The following FAM107B variants were observed in gnomAD, a reference collection of about 807,000 sequenced individuals.
The protein encoded by FAM107B is family with sequence similarity 107 member B.
In FAM107B, 21 loss-of-function variants were observed where a neutral mutation model predicts 31.5. The observed-to-expected ratio is 0.67, with a 90% confidence interval of 0.47 to 0.96. The LOEUF (loss-of-function observed/expected upper bound fraction) is 0.96, where lower values mean the gene tolerates loss of function less well. Among genes scored for constraint, FAM107B ranks in the 40% least tolerant of loss-of-function variants. The pLI, the probability that FAM107B is intolerant of heterozygous loss-of-function variation, is 0.00. For synonymous variants in FAM107B, 157 were observed against 141.5 expected (o/e 1.11, Z -0.78); for missense variants, 452 against 377.1 (o/e 1.20, Z -1.64).
At chr10:14,720,354 A>G (rs553420086) in intron 1 of FAM107B, among the ~76,000 whole-genome samples, 2 of 152,184 alleles carry the variant, frequency 1.3e-5, no homozygotes, top group African/African-American at 2.4e-5. Context: ...CCCGTGTTCA[A>G]GTGATTCTCC....
intron 2 of FAM107B, among the ~76,000 whole-genome samples, chr10:14,567,747 C>T (rs2131229254): frequency 6.6e-6 from 1 of 152,324 alleles, no homozygotes; most frequent in Non-Finnish European, 1.5e-5. Context: ...ATCTGATGTT[C>T]TTATTGTAAT....
At chr10:14,578,337 T>A (rs139685477) in intron 2 of FAM107B, among the ~76,000 whole-genome samples, 5 of 152,252 alleles carry the variant, frequency 3.3e-5, no homozygotes, top group Admixed American at 1.3e-4. Flanking sequence ...GTCTCACTCA[T>A]CTGTCTTCAC....
chr10:14,716,355 C>G (rs977729088), intron 1 of FAM107B, among the ~76,000 whole-genome samples: 2 of 152,222 alleles, frequency 1.3e-5, no homozygotes, highest in Admixed American at 1.3e-4. Flanking sequence ...GACTCCCTCA[C>G]AGGGCAGCTG....
chr10:14,583,608 C>T (rs948057803), intron 2 of FAM107B, among the ~76,000 whole-genome samples: 3 of 152,074 alleles, frequency 2.0e-5, no homozygotes, highest in African/African-American at 4.8e-5. Flanking sequence ...ACACATCACC[C>T]CACCCCAGTC....
At chr10:14,553,291 T>C (rs1412740084) in intron 2 of FAM107B, 8 of 1,192,898 alleles carry the variant, frequency 6.7e-6, no homozygotes, top group Non-Finnish European at 7.5e-6. Context: ...GGAATAAAGA[T>C]GACCGAGACA....
At chr10:14,568,443 TCA>T (rs10618168) in intron 2 of FAM107B, among the ~76,000 whole-genome samples, 329 of 20,526 alleles carry the variant, frequency 0.016, 2 homozygotes, top group South Asian at 0.03. Flanking sequence ...GTGAAGATAC[TCA>T]GGTAAGAGGA....
intron 2 of FAM107B, among the ~76,000 whole-genome samples, chr10:14,560,539 A>G (rs1256712538): frequency 4.6e-5 from 7 of 152,206 alleles, no homozygotes; most frequent in African/African-American, 1.7e-4. Context: ...AGGAGGACTC[A>G]CTAGGTAAGC....
intron 1 of FAM107B, among the ~76,000 whole-genome samples, chr10:14,678,429 T>A (rs186544190): frequency 6.6e-6 from 1 of 152,310 alleles, no homozygotes; most frequent in East Asian, 1.9e-4. Context: ...TCACTTTAAG[T>A]CACTACACAT....
intron 1 of FAM107B, among the ~76,000 whole-genome samples, chr10:14,722,894 C>G (rs753181575): frequency 1.3e-5 from 2 of 152,008 alleles, no homozygotes; most frequent in African/African-American, 2.4e-5. Context: ...TTGCCTAATC[C>G]AAGGTCATGA....
At chr10:14,593,201 CTTTT>C (rs1852075651) in intron 2 of FAM107B, among the ~76,000 whole-genome samples, 1 of 151,910 alleles carries the variant, frequency 6.6e-6, no homozygotes, top group African/African-American at 2.4e-5. Context: ...ACATAAAAAG[CTTTT>C]TTGTTTGCTA....
chr10:14,549,612 G>A (rs2131052708), intron 2 of FAM107B, among the ~76,000 whole-genome samples: 1 of 152,282 alleles, frequency 6.6e-6, no homozygotes, highest in Non-Finnish European at 1.5e-5. Flanking sequence ...CTGGAGGCTT[G>A]TGGTTCCAGG....
At chr10:14,557,704 T>C (rs1849822001) in intron 2 of FAM107B, among the ~76,000 whole-genome samples, 1 of 152,236 alleles carries the variant, frequency 6.6e-6, no homozygotes, top group Admixed American at 6.5e-5. Flanking sequence ...TCATATTTCA[T>C]CTCAACCTTC....
At chr10:14,767,055 T>TATATATATATATATATATATAG (rs1440609298) in intron 1 of FAM107B, among the ~76,000 whole-genome samples, 4 of 18,280 alleles carry the variant, frequency 2.2e-4, no homozygotes, top group Non-Finnish European at 4.5e-4. Context: ...TATATATATA[T>TATATATATATATATATATATAG]AGAGAGAGAG....
intron 1 of FAM107B, among the ~76,000 whole-genome samples, chr10:14,741,168 C>G (rs554360569): frequency 6.6e-6 from 1 of 152,196 alleles, no homozygotes; most frequent in Admixed American, 6.5e-5. Flanking sequence ...GGTTTGGGGG[C>G]AGGAACCTGG....
At chr10:14,732,823 ATAT>A (rs1379440992) in intron 1 of FAM107B, among the ~76,000 whole-genome samples, 4 of 147,286 alleles carry the variant, frequency 2.7e-5, no homozygotes, top group East Asian at 1.9e-4. Context: ...ATGTATTATA[ATAT>A]TATAATTATA....
chr10:14,568,496 T>C (rs1850886384), intron 2 of FAM107B, among the ~76,000 whole-genome samples: 1 of 140,852 alleles, frequency 7.1e-6, no homozygotes. Context: ...GAGGTGAAGA[T>C]ACTCAGGTAA....
chr10:14,770,975 TAAAAAAAAAAAAAA>T (rs56378196), intron 1 of FAM107B, among the ~76,000 whole-genome samples: 1 of 58,922 alleles, frequency 1.7e-5, no homozygotes, highest in Non-Finnish European at 3.6e-5. Context: ...GAGGCTGAAC[TAAAAAAAAAAAAAA>T]AAAAAAAAAA....
intron 1 of FAM107B, among the ~76,000 whole-genome samples, chr10:14,704,481 G>A (rs1438603837): frequency 1.3e-5 from 2 of 152,196 alleles, no homozygotes; most frequent in East Asian, 1.9e-4. Context: ...TCTACCCAGA[G>A]ACAGGTCTCT....
At chr10:14,722,276 A>G (rs886204787) in intron 1 of FAM107B, among the ~76,000 whole-genome samples, 3 of 152,224 alleles carry the variant, frequency 2.0e-5, no homozygotes, top group African/African-American at 7.2e-5. Flanking sequence ...CATTTTATAA[A>G]AATGAAATCA....
Sources: gnomAD v4.1 joint callset for allele counts (sites outside exome capture counted in the v4.1 genomes callset) on GRCh38, gnomAD v4.1.1 for gene constraint, MANE v1.5 for transcripts, NCBI Gene and HGNC (gene_info 2026-07-23, HGNC 2026-07-21) for gene names.